DYNC2H1: variants seen among roughly 807,000 people sequenced by gnomAD.
The protein encoded by DYNC2H1 is dynein cytoplasmic 2 heavy chain 1.
A neutral mutation model predicts 570.0 loss-of-function variants in DYNC2H1; 410 were observed. The ratio of observed to expected loss-of-function variants is 0.72; its 90% CI spans 0.66 to 0.78. The LOEUF (loss-of-function observed/expected upper bound fraction) is 0.78. Among genes scored for constraint, DYNC2H1 ranks in the 30% least tolerant of loss-of-function variants. The pLI is 0.00. For synonymous variants in DYNC2H1, 1,688 were observed against 1,677.6 expected, an observed-to-expected ratio of 1.01 and a Z score of -0.15; for missense variants, 4,865 against 5,046.4, an observed-to-expected ratio of 0.96 and a Z score of 1.09.
chr11:103,246,889 G>C (rs767373317), intron 65 of DYNC2H1, among the ~76,000 whole-genome samples: 10 of 151,754 alleles, frequency 6.6e-5, no homozygotes, highest in Admixed American at 3.3e-4. Flanking sequence ...ATAAATATAG[G>C]AATAGAATGT....
Position 103,245,543 on chromosome 11 carries a change from T to C in DYNC2H1, c.10042+169T>C, listed in dbSNP as rs1414976825. Among the ~76,000 whole-genome samples, 1 of 152,124 alleles carries C rather than the reference T, an allele frequency of 6.6e-6. No homozygotes were observed. Among genetic ancestry groups the C allele is most frequent in the Non-Finnish European group, 1.5e-5 (1 of 68,012 alleles). On this transcript the variant is annotated intron_variant, in intron 65 of 88. Coordinates refer to ENST00000375735, the MANE Select transcript of DYNC2H1 (RefSeq NM_001377.3). The surrounding 1 kb of genome is among the most constrained non-coding windows in gnomAD (Gnocchi z 4.5). ...GTGACAATATGTGTAAAATGTTGTTTATCAGGAAAGCTCAGTAGAGACCTA... is the reference window on the plus strand; with the variant it reads ...GTGACAATATGTGTAAAATGTTGTTCATCAGGAAAGCTCAGTAGAGACCTA...
chr11:103,229,649 T>G, intron 59 of DYNC2H1, among the ~76,000 whole-genome samples: 1 of 152,216 alleles, frequency 6.6e-6, no homozygotes, highest in Non-Finnish European at 1.5e-5. Flanking sequence ...TGCTTAAGGC[T>G]GTTGTCTTGG....
At chr11:103,339,177 G>A (rs1939310919) in intron 82 of DYNC2H1, among the ~76,000 whole-genome samples, 1 of 152,146 alleles carries the variant, frequency 6.6e-6, no homozygotes, top group East Asian at 1.9e-4. Flanking sequence ...CCCCCAAGTG[G>A]AAGGGGTCTT....
At chr11:103,111,895 A>G (rs1858133140) in intron 1 of DYNC2H1, among the ~76,000 whole-genome samples, 1 of 152,208 alleles carries the variant, frequency 6.6e-6, no homozygotes, top group Non-Finnish European at 1.5e-5. Context: ...AGTACTGGGG[A>G]CAAAGCCATG....
Position 103,282,190 on chromosome 11 carries a change from G to T in DYNC2H1, c.10773G>T (p.Thr3591=), listed in dbSNP as rs12574626. ...PELFQENEWD[T]FTGVVVGDML... ...TTTTTATTCAATAGGAATGGGATAC[G>T]TTTACAGGTGTGGTTGTTGGAGACA... Residue 3591 remains threonine (T), a synonymous_variant, in exon 72 of 89, where the codon ACG becomes ACT. Coordinates refer to ENST00000375735, the MANE Select transcript of DYNC2H1 (RefSeq NM_001377.3). 1 of 1,606,762 alleles carries T rather than the reference G, an allele frequency of 6.2e-7. No homozygotes were observed. Among genetic ancestry groups the T allele is most frequent in the Non-Finnish European group, 8.5e-7 (1 of 1,176,846 alleles).
chr11:103,415,810 A>G (rs1565579854), intron 84 of DYNC2H1, among the ~76,000 whole-genome samples: 1 of 152,224 alleles, frequency 6.6e-6, no homozygotes, highest in Non-Finnish European at 1.5e-5. Flanking sequence ...GTATATATCC[A>G]AAGGATTATA....
In DYNC2H1 at chr11:103,165,920, T is replaced by A; in HGVS notation, c.4634T>A (p.Ile1545Asn). The change falls in exon 31 of 89, where the codon ATT becomes AAT. Residue 1545 changes from isoleucine to asparagine, a missense_variant. By Grantham distance (149) the Ile-to-Asn change is moderately radical (BLOSUM62 -3). Around this residue, in one of 5 missense-constraint regions of DYNC2H1, gnomAD observed 1,936 missense variants for 1,962.1 expected, o/e 0.99. Coordinates refer to ENST00000375735, the MANE Select transcript of DYNC2H1 (RefSeq NM_001377.3). Reference protein sequence around the residue: ...PSQILCLAEQIKFTEDVENAI... With the variant: ...PSQILCLAEQNKFTEDVENAI... Reference sequence around the variant, plus strand: ...TAGATTTTATGCTTGGCGGAGCAGATTAAATTCACTGAAGATGTAGAAAAT... The same window carrying A: ...TAGATTTTATGCTTGGCGGAGCAGAATAAATTCACTGAAGATGTAGAAAAT... The A allele has an allele frequency of 6.6e-7, 1 of 1,511,956 alleles. No homozygotes were observed. The highest frequency in any genetic ancestry group is 8.8e-7 in the Non-Finnish European group (1 of 1,130,544). 93.7% of individuals were successfully genotyped at this position (1,511,956 alleles called of 1,614,324 possible). A position where few individuals can be genotyped will look rare whatever the true frequency, so the allele number is the denominator to read the frequency against.
At chr11:103,310,285 G>A (rs1867514854) in intron 78 of DYNC2H1, among the ~76,000 whole-genome samples, 1 of 151,522 alleles carries the variant, frequency 6.6e-6, no homozygotes, top group Non-Finnish European at 1.5e-5. Flanking sequence ...TCTTCTTCCT[G>A]ATTTCTTGAG....
chr11:103,365,344 A>G (rs1347649407), intron 83 of DYNC2H1, among the ~76,000 whole-genome samples: 3 of 149,150 alleles, frequency 2.0e-5, no homozygotes, highest in African/African-American at 7.4e-5. Flanking sequence ...CTGGGCAACA[A>G]GAGCGAAATT....
intron 83 of DYNC2H1, among the ~76,000 whole-genome samples, chr11:103,385,745 GT>G (rs1338399538): frequency 6.6e-6 from 1 of 152,180 alleles, no homozygotes; most frequent in Non-Finnish European, 1.5e-5. Context: ...ACGTACCACA[GT>G]GTTCTTTAAA....
intron 83 of DYNC2H1, among the ~76,000 whole-genome samples, chr11:103,377,613 CT>C (rs1286215402): frequency 4.6e-5 from 7 of 151,940 alleles, no homozygotes; most frequent in African/African-American, 1.4e-4. Flanking sequence ...TGAAACTAAT[CT>C]TTTACATTCT....
At position 103,280,406 on chromosome 11, in the gene DYNC2H1, A is replaced by C; in HGVS notation, c.10754A>C (p.Gln3585Pro). The C allele has an allele frequency of 6.4e-7, 1 of 1,553,262 alleles. No individual in the cohort carries two copies. The highest frequency in any genetic ancestry group is 8.7e-7 in the Non-Finnish European group (1 of 1,147,306). The part of the protein sequence containing the change: ...FVRGMHPELF[Q>P]ENEWDTFTGV... ...CGAGGCATGCATCCTGAACTTTTTC[A>C]AGAAAATGTAAGTCAAATTAAAGGA... Residue 3585 changes from glutamine to proline, a missense_variant, in exon 71 of 89, where the codon CAA becomes CCA. Gln to Pro is a moderately conservative substitution (Grantham distance 76). This residue lies in a region of DYNC2H1 where 2,401 missense variants were observed against 2,454.6 expected (regional missense o/e 0.98). Coordinates refer to ENST00000375735, the MANE Select transcript of DYNC2H1 (RefSeq NM_001377.3). The surrounding 1 kb of genome is among the most constrained non-coding windows in gnomAD (Gnocchi z 4.7).
chr11:103,320,329 G>T (rs966386258), intron 80 of DYNC2H1, among the ~76,000 whole-genome samples: 1 of 152,166 alleles, frequency 6.6e-6, no homozygotes, highest in African/African-American at 2.4e-5. Context: ...TTGAACCTGG[G>T]AGGTGGACAA....
rs752870958 is a variant in DYNC2H1, at chr11:103,117,671, T to G, written c.807T>G (p.Thr269=). The stretch of plus-strand genomic sequence containing the variant: ...GGTTTGTTCAGAAAAAGTTGGGAAC[T>G]TTGAACCTGTGGGAAGATCCTTATT... ...FGRFVQKKLG[T]LNLWEDPYYL... Residue 269 remains threonine, a synonymous_variant, in exon 6 of 89, where the codon ACT becomes ACG. Transcript: ENST00000375735. The G allele has an allele frequency of 2.1e-5, 34 of 1,609,204 alleles. No individual in the cohort carries two copies. Among genetic ancestry groups the G allele is most frequent in the Non-Finnish European group, 2.7e-5 (32 of 1,177,160 alleles).
rs1412047102 is a variant in DYNC2H1, at chr11:103,325,691, C to T, written c.12039+1701C>T. On this transcript the variant is annotated intron_variant, in intron 82 of 88. Transcript: ENST00000375735. The surrounding 1 kb of genome is among the most constrained non-coding windows in gnomAD (Gnocchi z 4.8). ...TCCATTCCAGAAGTTCAGTTTGGTT[C>T]TTCCTTAAAATGCCTGTTTCATTTT... Among the ~76,000 whole-genome samples, 4 of 151,134 alleles carry T rather than the reference C, an allele frequency of 2.6e-5. No individual in the cohort carries two copies. The highest frequency in any genetic ancestry group is 5.9e-5 in the Non-Finnish European group (4 of 67,972).
rs367788545 is a variant in DYNC2H1 at position 103,187,638 on chromosome 11, C to T, written c.7140+52C>T. On this transcript the variant is annotated intron_variant, in intron 43 of 88. Coordinates refer to ENST00000375735, the MANE Select transcript of DYNC2H1 (RefSeq NM_001377.3). The stretch of plus-strand genomic sequence containing the variant: ...AATCTAATTGGAAACAATTTAATTT[C>T]ATTAACTTTTCTTAGAAAATATTCA... The T allele has an allele frequency of 1.1e-3, 1,657 of 1,576,082 alleles. 1 individual carries two copies. Among genetic ancestry groups the T allele is most frequent in the Non-Finnish European group, 1.3e-3 (1,550 of 1,164,208 alleles).
Position 103,325,817 on chromosome 11 carries a change from A to C in DYNC2H1, c.12039+1827A>C, listed in dbSNP as rs1938438898. Among the ~76,000 whole-genome samples the C allele has an allele frequency of 6.6e-6, 1 of 152,104 alleles. No homozygotes were observed. The highest frequency in any genetic ancestry group is 2.4e-5 in the African/African-American group (1 of 41,410). ...GCTTTTTTGCCACATTCTGCATTCTACGTCATTTCAGACATTTCAGTCTCA... is the reference window on the plus strand; with the variant it reads ...GCTTTTTTGCCACATTCTGCATTCTCCGTCATTTCAGACATTTCAGTCTCA... On this transcript the variant is annotated intron_variant, in intron 82 of 88. Coordinates refer to ENST00000375735, the MANE Select transcript of DYNC2H1 (RefSeq NM_001377.3). The surrounding 1 kb of genome is among the most constrained non-coding windows in gnomAD (Gnocchi z 4.8).
Position 103,158,774 on chromosome 11 carries a change from C to G in DYNC2H1, c.4225C>G (p.Gln1409Glu). The G allele has an allele frequency of 6.7e-7, 1 of 1,491,888 alleles. No individual in the cohort carries two copies. The highest frequency in any genetic ancestry group is 9.0e-7 in the Non-Finnish European group (1 of 1,108,128). The allele number at this position is 1,491,888 out of a possible 1,614,324, so 92.4% of individuals were successfully genotyped here. The change falls in exon 27 of 89, where the codon CAA (glutamine) becomes GAA (glutamate). Residue 1409 changes from glutamine to glutamate, a missense_variant. By Grantham distance (29) the Gln-to-Glu change is conservative. This residue lies in a region of DYNC2H1 where 1,936 missense variants were observed against 1,962.1 expected (regional missense o/e 0.99). Coordinates refer to ENST00000375735, the MANE Select transcript of DYNC2H1 (RefSeq NM_001377.3). ...TCTACTAACAATACTTGATCAGCTT[C>G]AAAGATGTCAGAAATCATTAAATGA... ...NSLLTILDQL[Q>E]RCQKSLNEFL...
intron 65 of DYNC2H1, 50 bp from the exon 66 acceptor site, chr11:103,253,235 G>A (rs747914808): frequency 1.3e-6 from 2 of 1,537,288 alleles, no homozygotes; most frequent in Admixed American, 3.7e-5. Context: ...ATATTGTATA[G>A]TGAAATACAG....
Sources: gnomAD v4.1 joint callset for allele counts (sites outside exome capture counted in the v4.1 genomes callset) on GRCh38, gnomAD v4.1.1 for gene constraint, gnomAD v4.1.1 regional missense constraint, Gnocchi (gnomAD v3.1) non-coding constraint, MANE v1.5 for transcripts, NCBI Gene and HGNC (gene_info 2026-07-23, HGNC 2026-07-21) for gene names.